CIT: variants seen among roughly 807,000 people sequenced by gnomAD.
CIT encodes the protein citron rho-interacting serine/threonine kinase.
In CIT, 79 loss-of-function variants were observed where a neutral mutation model predicts 272.7. That is an observed-to-expected ratio of 0.29 (90% CI 0.24 to 0.35). The LOEUF (loss-of-function observed/expected upper bound fraction) is 0.35, where lower values mean the gene tolerates loss of function less well. Ranked by LOEUF, CIT falls within the 10% of genes least tolerant of loss-of-function variation. The pLI, the probability that CIT is intolerant of heterozygous loss-of-function variation, is 1.00. For synonymous variants in CIT, 948 were observed against 995.6 expected, an observed-to-expected ratio of 0.95 and a Z score of 0.90; for missense variants, 1,909 against 2,618.3, an observed-to-expected ratio of 0.73 and a Z score of 5.91.
At position 119,690,232 on chromosome 12, in the gene CIT, G is replaced by A. The variant is rs780843106; in HGVS notation, c.6105C>T (p.Ser2035=). ...TGCTGTCTTCAAACAGCCTCCCGGG[G>A]GACCGCTCTCTCCGCGTGCTGAGCA... ...GRMLSTRRER[S]PGRLFEDSSR... The change falls in exon 47 of 48, where the codon TCC becomes TCT. Residue 2035 remains serine, a synonymous_variant. Transcript: ENST00000392521. This position sits in a 1 kb window ranked among gnomAD's most constrained non-coding sequence, Gnocchi z 6.0. 6.5e-7 allele frequency: 1 copy of A among 1,546,278 alleles called. No homozygotes were observed. Among genetic ancestry groups the A allele is most frequent in the East Asian group, 2.4e-5 (1 of 42,484 alleles).
In CIT at chr12:119,822,908, C is replaced by T. The variant is rs776602498; in HGVS notation, c.1023G>A (p.Leu341=). Residue 341 remains leucine, a synonymous_variant, in exon 9 of 48, where the codon TTG becomes TTA. Transcript: ENST00000392521. ...SSDFLDLIQS[L]LCGQKERLKF... ...TCAGTCTCTCTTTCTGGCCGCACAA[C>T]AAGCTTTGAATCAGATCAAGAAAGT... 1.9e-6 allele frequency: 3 copies of T among 1,614,030 alleles called. No individual in the cohort carries two copies. Among genetic ancestry groups the T allele is most frequent in the Non-Finnish European group, 2.5e-6 (3 of 1,180,022 alleles).
chr12:119,856,903 T>G lies in CIT; in HGVS notation c.414+620A>C, dbSNP rs76816623. 8.4e-3 allele frequency among the ~76,000 whole-genome samples: 1,279 copies of G among 152,314 alleles called. 18 individuals are homozygous for G. The highest frequency in any genetic ancestry group is 0.029 in the African/African-American group (1,219 of 41,556). On this transcript the variant is annotated intron_variant, in intron 4 of 47. Coordinates refer to ENST00000392521, the MANE Select transcript of CIT (RefSeq NM_001206999.2). Reference sequence around the variant, plus strand: ...GCTGGGTACATTATCAGACATATCATGTGCACTAAAATGTCTGTAAGTAAT... The same window carrying G: ...GCTGGGTACATTATCAGACATATCAGGTGCACTAAAATGTCTGTAAGTAAT...
At chr12:119,688,775 T>C (rs1197980217) in intron 47 of CIT, among the ~76,000 whole-genome samples, 1 of 152,230 alleles carries the variant, frequency 6.6e-6, no homozygotes, top group Non-Finnish European at 1.5e-5. Flanking sequence ...TTCATGCACA[T>C]GATTTAAACA....
At chr12:119,722,470 C>T (rs1957852498) in intron 28 of CIT, among the ~76,000 whole-genome samples, 1 of 152,196 alleles carries the variant, frequency 6.6e-6, no homozygotes, top group South Asian at 2.1e-4. Context: ...CTGGCCCTCT[C>T]TGTCTCTTTG....
At chr12:119,765,469 C>CTTTTTTT (rs34623472) in intron 19 of CIT, among the ~76,000 whole-genome samples, 1 of 115,454 alleles carries the variant, frequency 8.7e-6, no homozygotes, top group African/African-American at 3.4e-5. Context: ...AAGAAACAGA[C>CTTTTTTT]TTTTTTTTTT....
intron 7 of CIT, among the ~76,000 whole-genome samples, chr12:119,829,768 T>C (rs1472309835): frequency 1.3e-5 from 2 of 152,192 alleles, no homozygotes; most frequent in Non-Finnish European, 2.9e-5. Flanking sequence ...CACTAGGCCC[T>C]GTGTTTACTA....
At chr12:119,711,687 G>A (rs1236870270) in intron 37 of CIT, among the ~76,000 whole-genome samples, 2 of 152,038 alleles carry the variant, frequency 1.3e-5, no homozygotes, top group East Asian at 1.9e-4. Flanking sequence ...TCCATGCCTC[G>A]CTCTGTTGCC....
Position 119,712,099 on chromosome 12 carries a change from G to A in CIT, c.4854+79C>T, listed in dbSNP as rs1304379661. The A allele has an allele frequency of 1.3e-5, 18 of 1,379,854 alleles. No individual in the cohort carries two copies. In the Admixed American group the frequency reaches 1.7e-4, roughly 13 times the overall value. 85.5% of individuals were successfully genotyped at this position (1,379,854 alleles called of 1,614,324 possible). A position where few individuals can be genotyped will look rare whatever the true frequency, so the allele number is the denominator to read the frequency against. On this transcript the variant is annotated intron_variant, in intron 37 of 47. Coordinates refer to ENST00000392521, the MANE Select transcript of CIT (RefSeq NM_001206999.2). This position sits in a 1 kb window ranked among gnomAD's most constrained non-coding sequence, Gnocchi z 5.2. ...CCTGAGGGGAATCAAAATGGCCAAT[G>A]GGATTCTCGTCGTTAACACCAGTTA...
intron 3 of CIT, among the ~76,000 whole-genome samples, chr12:119,862,073 T>G (rs989094708): frequency 5.9e-5 from 9 of 152,194 alleles, no homozygotes; most frequent in African/African-American, 2.2e-4. Flanking sequence ...TGGTCTTGGC[T>G]CACTGCAACC....
chr12:119,714,428 G>T, intron 32 of CIT, 94 bp from the exon 33 acceptor site: 1 of 1,332,460 alleles, frequency 7.5e-7, no homozygotes, highest in Non-Finnish European at 1.0e-6. Context: ...AAAAATACTT[G>T]CAAATCAAAT....
chr12:119,803,104 C>T, intron 10 of CIT, 102 bp downstream of exon 10: 1 of 777,022 alleles, frequency 1.3e-6, no homozygotes, highest in Non-Finnish European at 1.9e-6. Flanking sequence ...CTTCCCTCCA[C>T]TGCACTCCCC....
intron 2 of CIT, 84 bp downstream of exon 2, chr12:119,875,989 A>AGTCT (rs1950831879): frequency 2.3e-6 from 2 of 858,670 alleles, no homozygotes; most frequent in Non-Finnish European, 3.8e-6. Flanking sequence ...AAATAAATAA[A>AGTCT]CAAATAAATA....
rs1958380788 is a variant in CIT at position 119,730,566 on chromosome 12, T to C, written c.3415A>G (p.Lys1139Glu). 1.2e-6 allele frequency: 2 copies of C among 1,614,138 alleles called. No individual in the cohort carries two copies. Among genetic ancestry groups the C allele is most frequent in the East Asian group, 4.5e-5 (2 of 44,876 alleles). ...QVVELAVKEH[K>E]AEILALQQAL... is the part of the protein sequence containing the mutation. ...TGCTGCAGAGCGAGAATCTCAGCCTTGTGCTCCTTCACTGCCAGCTCCACC... is the reference window on the plus strand; with the variant it reads ...TGCTGCAGAGCGAGAATCTCAGCCTCGTGCTCCTTCACTGCCAGCTCCACC... The change falls in exon 27 of 48, where the codon AAG (lysine) becomes GAG (glutamate). Residue 1139 changes from lysine to glutamate, a missense_variant. Transcript: ENST00000392521.
At chr12:119,822,516 CTG>C (rs1207767766) in intron 9 of CIT, among the ~76,000 whole-genome samples, 1 of 152,178 alleles carries the variant, frequency 6.6e-6, no homozygotes, top group Non-Finnish European at 1.5e-5. Context: ...TTGGAAGAAA[CTG>C]TGTCAAACCA....
chr12:119,730,658 G>C, intron 26 of CIT, 28 bp from the exon 27 acceptor site: 1 of 1,606,726 alleles, frequency 6.2e-7, no homozygotes, highest in African/African-American at 1.3e-5. Context: ...GTCAGCTTTT[G>C]GTAGCCCCCC....
At chr12:119,856,243 C>T (rs1032389937) in intron 4 of CIT, among the ~76,000 whole-genome samples, 3 of 152,108 alleles carry the variant, frequency 2.0e-5, no homozygotes, top group Non-Finnish European at 4.4e-5. Context: ...ACAAAGTAAA[C>T]TGCAATTCAA....
At chr12:119,721,072 T>C (rs971602761) in intron 29 of CIT, among the ~76,000 whole-genome samples, 1 of 152,192 alleles carries the variant, frequency 6.6e-6, no homozygotes, top group Non-Finnish European at 1.5e-5. Flanking sequence ...GTTCAAGCCA[T>C]TCTCCTTCCT....
At chr12:119,783,715 A>C in intron 12 of CIT, 193 bp downstream of exon 12, 1 of 576,112 alleles carries the variant, frequency 1.7e-6, no homozygotes, top group Non-Finnish European at 2.9e-6. Flanking sequence ...AAATGAGTCC[A>C]ATCTCATTTC....
chr12:119,863,028 C>T (rs544396207), intron 3 of CIT, among the ~76,000 whole-genome samples: 45 of 148,414 alleles, frequency 3.0e-4, no homozygotes, highest in Middle Eastern at 3.4e-3. Flanking sequence ...CATGGTGAAA[C>T]CCTATCTCTA....
Sources: gnomAD v4.1 joint callset for allele counts (sites outside exome capture counted in the v4.1 genomes callset) on GRCh38, gnomAD v4.1.1 for gene constraint, Gnocchi (gnomAD v3.1) non-coding constraint, MANE v1.5 for transcripts, NCBI Gene and HGNC (gene_info 2026-07-23, HGNC 2026-07-21) for gene names.